The following EPB41L2 variants were observed in gnomAD, a reference collection of about 807,000 sequenced individuals.
EPB41L2 encodes erythrocyte membrane protein band 4.1 like 2, also known as band 4.1-like protein 2.
In EPB41L2, 43 loss-of-function variants were observed where a neutral mutation model predicts 113.0. The observed-to-expected ratio is 0.38, with a 90% CI of 0.30 to 0.49. The LOEUF is 0.49. EPB41L2 is among the 20% of genes least tolerant of loss of function. The probability of loss-of-function intolerance (pLI) is 0.95; values close to 1 mark genes in which losing one functional copy is unlikely to be tolerated. For synonymous variants in EPB41L2, 442 were observed against 436.7 expected (o/e 1.01, Z -0.15); for missense variants, 1,147 against 1,223.4 (o/e 0.94, Z 0.93).
intron 1 of EPB41L2, among the ~76,000 whole-genome samples, chr6:131,029,761 T>G (rs1158888965): frequency 6.6e-6 from 1 of 152,214 alleles, no homozygotes; most frequent in East Asian, 1.9e-4. Context: ...GACATTTAAC[T>G]GCTATCAAAC....
At chr6:130,982,133 A>G (rs1481265927) in intron 1 of EPB41L2, among the ~76,000 whole-genome samples, 2 of 151,986 alleles carry the variant, frequency 1.3e-5, no homozygotes, top group Non-Finnish European at 2.9e-5. Flanking sequence ...TTTTTAAGTC[A>G]ATTAGGAATA....
At chr6:130,871,282 G>A (rs1434014805) in intron 14 of EPB41L2, among the ~76,000 whole-genome samples, 1 of 152,084 alleles carries the variant, frequency 6.6e-6, no homozygotes, top group Non-Finnish European at 1.5e-5. Flanking sequence ...GCTTTACAAT[G>A]ATATAACTCA....
At chr6:130,995,200 G>C (rs1281939908) in intron 1 of EPB41L2, among the ~76,000 whole-genome samples, 1 of 152,170 alleles carries the variant, frequency 6.6e-6, no homozygotes, top group Non-Finnish European at 1.5e-5. Flanking sequence ...GCCAGGTGTG[G>C]TGATGGGCGC....
intron 1 of EPB41L2, among the ~76,000 whole-genome samples, chr6:131,040,469 AG>A (rs1235118197): frequency 1.3e-5 from 2 of 152,214 alleles, no homozygotes; most frequent in Non-Finnish European, 2.9e-5. Flanking sequence ...GGTTAATTTT[AG>A]GTATGTGTAT....
chr6:130,903,394 A>C (rs951241001), intron 6 of EPB41L2, among the ~76,000 whole-genome samples: 1 of 124,788 alleles, frequency 8.0e-6, no homozygotes, highest in Non-Finnish European at 1.5e-5. Flanking sequence ...AGCAACAAGT[A>C]GTTTAAAAAA....
intron 1 of EPB41L2, among the ~76,000 whole-genome samples, chr6:130,991,958 G>C (rs1011383965): frequency 1.3e-5 from 2 of 151,876 alleles, no homozygotes; most frequent in African/African-American, 4.8e-5. Context: ...AAAAGTACTT[G>C]GATAGAAATC....
intron 2 of EPB41L2, among the ~76,000 whole-genome samples, 162 bp downstream of exon 2, chr6:130,955,832 G>T (rs564078375): frequency 3.3e-5 from 5 of 152,198 alleles, no homozygotes; most frequent in African/African-American, 1.2e-4. Flanking sequence ...GAGTAACAGG[G>T]AAAGGCTATG....
At chr6:131,061,828 G>A (rs1798708771) in intron 1 of EPB41L2, among the ~76,000 whole-genome samples, 1 of 152,212 alleles carries the variant, frequency 6.6e-6, no homozygotes, top group East Asian at 1.9e-4. Context: ...AACGTAGGGT[G>A]GGGGAGGAAA....
intron 6 of EPB41L2, 152 bp from the exon 7 acceptor site, chr6:130,901,332 A>G (rs895145913): frequency 3.3e-5 from 22 of 661,788 alleles, no homozygotes; most frequent in Admixed American, 3.2e-4. Flanking sequence ...CTCTAATAAA[A>G]AGCCTCAACT....
intron 4 of EPB41L2, among the ~76,000 whole-genome samples, chr6:130,916,771 A>G (rs995314250): frequency 6.6e-6 from 1 of 152,236 alleles, no homozygotes; most frequent in African/African-American, 2.4e-5. Context: ...CAGCAGGTCT[A>G]GGGTGAGCGC....
intron 1 of EPB41L2, among the ~76,000 whole-genome samples, chr6:131,003,700 C>T (rs1784850151): frequency 6.6e-6 from 1 of 152,232 alleles, no homozygotes; most frequent in Admixed American, 6.5e-5. Flanking sequence ...TGTCATCTCC[C>T]TACTTCTACA....
intron 1 of EPB41L2, among the ~76,000 whole-genome samples, chr6:131,053,920 G>C (rs186988711): frequency 6.6e-6 from 1 of 152,202 alleles, no homozygotes; most frequent in Admixed American, 6.5e-5. Flanking sequence ...ATCTTACAAC[G>C]GGAGGCACAG....
chr6:130,922,897 G>T (rs191383378), intron 4 of EPB41L2, among the ~76,000 whole-genome samples: 10 of 152,256 alleles, frequency 6.6e-5, no homozygotes, highest in Admixed American at 1.3e-4. Context: ...ATTATACCTA[G>T]AGTGGAGTAT....
chr6:131,025,001 G>A (rs1790524502), intron 1 of EPB41L2, among the ~76,000 whole-genome samples: 1 of 151,620 alleles, frequency 6.6e-6, no homozygotes, highest in Non-Finnish European at 1.5e-5. Flanking sequence ...ACTCAGTTCA[G>A]CCCACCATCT....
intron 1 of EPB41L2, among the ~76,000 whole-genome samples, chr6:130,996,043 C>A (rs560920949): frequency 1.3e-5 from 2 of 152,264 alleles, no homozygotes; most frequent in Admixed American, 6.5e-5. Context: ...AATAAGGGAG[C>A]CAGAGATACT....
At chr6:130,901,204 G>A in intron 6 of EPB41L2, 24 bp from the exon 7 acceptor site, 1 of 1,606,846 alleles carries the variant, frequency 6.2e-7, no homozygotes, top group Non-Finnish European at 8.5e-7. Context: ...AGGGAGAAAT[G>A]GGTCAGGGGA....
chr6:130,882,255 G>A (rs535126126), intron 12 of EPB41L2: 2 of 152,278 alleles, frequency 1.3e-5, no homozygotes, highest in South Asian at 4.1e-4. Context: ...AATCTACTTT[G>A]ATCTAGATAT....
At chr6:130,989,412 C>CT (rs1389649080) in intron 1 of EPB41L2, among the ~76,000 whole-genome samples, 1 of 151,832 alleles carries the variant, frequency 6.6e-6, no homozygotes, top group Non-Finnish European at 1.5e-5. Flanking sequence ...AGAAGTATGC[C>CT]TTTATAATCT....
chr6:130,977,240 A>T (rs1225698565), intron 1 of EPB41L2, among the ~76,000 whole-genome samples: 2 of 152,242 alleles, frequency 1.3e-5, no homozygotes, highest in Admixed American at 6.5e-5. Context: ...ATGACTGAGC[A>T]AAATGGAATT....
Sources: gnomAD v4.1 joint callset for allele counts (sites outside exome capture counted in the v4.1 genomes callset) on GRCh38, gnomAD v4.1.1 for gene constraint, MANE v1.5 for transcripts, NCBI Gene and HGNC (gene_info 2026-07-23, HGNC 2026-07-21) for gene names.